Variants in THSD4 observed in about 807,000 individuals in gnomAD.
THSD4 encodes the protein thrombospondin type-1 domain-containing protein 4.
THSD4 carries 69 observed loss-of-function variants against 119.0 expected under a neutral mutation model. The observed-to-expected ratio is 0.58, with a 90% CI of 0.48 to 0.71. The LOEUF is 0.71. Ranked by LOEUF, THSD4 falls within the 30% of genes least tolerant of loss-of-function variation. THSD4 has a pLI of 0.00. For missense variants in THSD4, 1,393 were observed against 1,391.1 expected, an observed-to-expected ratio of 1.00 and a Z score of -0.02; for synonymous variants, 524 against 540.4, an observed-to-expected ratio of 0.97 and a Z score of 0.42.
intron 7 of THSD4, among the ~76,000 whole-genome samples, chr15:71,626,725 C>T: frequency 6.6e-6 from 1 of 152,202 alleles, no homozygotes; most frequent in East Asian, 1.9e-4. Context: ...ACCACATTAA[C>T]ATACCACTGG....
At chr15:71,459,994 C>A (rs560949845) in intron 7 of THSD4, among the ~76,000 whole-genome samples, 1 of 152,316 alleles carries the variant, frequency 6.6e-6, no homozygotes, top group South Asian at 2.1e-4. Flanking sequence ...CGGTCTCTAC[C>A]TCTGGGCCTG....
chr15:71,757,255 C>T (rs182722555), intron 14 of THSD4, among the ~76,000 whole-genome samples: 97 of 152,146 alleles, frequency 6.4e-4, no homozygotes, highest in African/African-American at 2.2e-3. Flanking sequence ...TCCCAATCCC[C>T]TCATAGCTGT....
intron 7 of THSD4, among the ~76,000 whole-genome samples, chr15:71,457,918 C>T (rs369105726): frequency 5.6e-4 from 86 of 152,266 alleles, no homozygotes; most frequent in East Asian, 3.3e-3. Flanking sequence ...GGATTTCCAG[C>T]GCCATGACAA....
intron 8 of THSD4, among the ~76,000 whole-genome samples, chr15:71,661,605 A>G (rs1203462437): frequency 6.6e-6 from 1 of 152,078 alleles, no homozygotes; most frequent in African/African-American, 2.4e-5. Context: ...CATGTTGGCC[A>G]AGCTGGTCTT....
At chr15:71,305,540 G>T (rs2045012213) in intron 6 of THSD4, among the ~76,000 whole-genome samples, 1 of 152,148 alleles carries the variant, frequency 6.6e-6, no homozygotes. Flanking sequence ...CCACTTAATA[G>T]TTATGACCTT....
At chr15:71,350,505 C>T (rs929968259) in intron 6 of THSD4, among the ~76,000 whole-genome samples, 20 of 152,078 alleles carry the variant, frequency 1.3e-4, no homozygotes, top group Non-Finnish European at 2.5e-4. Context: ...CTCTCTGGCA[C>T]ATAAGGAACC....
intron 8 of THSD4, among the ~76,000 whole-genome samples, chr15:71,717,763 A>AT (rs2052638064): frequency 6.6e-6 from 1 of 152,104 alleles, no homozygotes; most frequent in Non-Finnish European, 1.5e-5. Flanking sequence ...ACCCCCCACC[A>AT]CCATGAGAGG....
intron 6 of THSD4, among the ~76,000 whole-genome samples, chr15:71,304,137 G>T (rs565262946): frequency 6.6e-6 from 1 of 152,182 alleles, no homozygotes; most frequent in Non-Finnish European, 1.5e-5. Flanking sequence ...ACCAGGAGGT[G>T]AGCTTGCTCT....
intron 7 of THSD4, among the ~76,000 whole-genome samples, chr15:71,435,604 A>G (rs2047002624): frequency 6.6e-6 from 1 of 152,200 alleles, no homozygotes; most frequent in South Asian, 2.1e-4. Context: ...ATCTTTTTTT[A>G]AATGGGTGCG....
chr15:71,680,403 A>G (rs530524992), intron 8 of THSD4, among the ~76,000 whole-genome samples: 75 of 152,362 alleles, frequency 4.9e-4, no homozygotes, highest in Non-Finnish European at 7.9e-4. Flanking sequence ...AACAAATCAC[A>G]TATTTGCCAA....
At chr15:71,294,456 T>A (rs1211743178) in intron 6 of THSD4, among the ~76,000 whole-genome samples, 1 of 152,200 alleles carries the variant, frequency 6.6e-6, no homozygotes, top group Non-Finnish European at 1.5e-5. Context: ...TGGCACAGGC[T>A]GGGAGTTCAG....
At chr15:71,220,563 C>T (rs535749995) in intron 4 of THSD4, among the ~76,000 whole-genome samples, 6 of 152,228 alleles carry the variant, frequency 3.9e-5, no homozygotes, top group Admixed American at 3.3e-4. Context: ...ATTCATATTG[C>T]CTGGCCCATA....
chr15:71,734,375 C>G (rs534064352), intron 10 of THSD4, among the ~76,000 whole-genome samples: 2 of 152,284 alleles, frequency 1.3e-5, no homozygotes, highest in South Asian at 2.1e-4. Context: ...ATGCATATTA[C>G]TAAGTGAAAG....
chr15:71,681,749 G>A (rs187762843), intron 8 of THSD4, among the ~76,000 whole-genome samples: 90 of 151,776 alleles, frequency 5.9e-4, no homozygotes, highest in African/African-American at 1.8e-3. Flanking sequence ...ATCAAGCACC[G>A]TTTGAGTTGT....
intron 7 of THSD4, among the ~76,000 whole-genome samples, chr15:71,472,949 G>A (rs2047603154): frequency 6.6e-6 from 1 of 152,104 alleles, no homozygotes; most frequent in South Asian, 2.1e-4. Context: ...CAGACTTGTT[G>A]CAGATGCTGT....
intron 6 of THSD4, among the ~76,000 whole-genome samples, chr15:71,278,307 C>T (rs538699340): frequency 1.3e-5 from 2 of 152,246 alleles, no homozygotes; most frequent in African/African-American, 4.8e-5. Context: ...GTGATCCTCA[C>T]ACCTCAGCCT....
chr15:71,272,396 C>CAAAAA (rs61293620), intron 6 of THSD4, among the ~76,000 whole-genome samples: 3 of 55,562 alleles, frequency 5.4e-5, no homozygotes, highest in Non-Finnish European at 5.9e-5. Context: ...GACTCTGTCT[C>CAAAAA]AAAAAAAAAA....
At chr15:71,368,767 C>T (rs9672719) in intron 6 of THSD4, among the ~76,000 whole-genome samples, 11 of 151,876 alleles carry the variant, frequency 7.2e-5, no homozygotes, top group East Asian at 1.9e-4. Flanking sequence ...TGGCTATGTG[C>T]GCTCTTTTTT....
intron 7 of THSD4, among the ~76,000 whole-genome samples, chr15:71,651,785 C>T (rs1250887248): frequency 6.6e-6 from 1 of 152,114 alleles, no homozygotes; most frequent in Non-Finnish European, 1.5e-5. Flanking sequence ...TGTTTCTCAA[C>T]AGTCATTGTT....
Sources: allele counts gnomAD v4.1 joint callset (sites outside exome capture counted in the v4.1 genomes callset), GRCh38; gene constraint gnomAD v4.1.1; transcripts MANE v1.5; gene names NCBI Gene and HGNC (gene_info 2026-07-23, HGNC 2026-07-21).